The following PCLO variants were observed in gnomAD, a reference collection of about 807,000 sequenced individuals.
PCLO encodes piccolo presynaptic cytomatrix protein.
PCLO carries 82 observed loss-of-function variants against 427.5 expected under a neutral mutation model. The observed-to-expected ratio is 0.19, with a 90% CI of 0.16 to 0.23. PCLO has a LOEUF of 0.23. Among genes scored for constraint, PCLO ranks in the 10% least tolerant of loss-of-function variants. The pLI is 1.00. For missense variants in PCLO, 6,239 were observed against 6,115.9 expected (o/e 1.02, Z -0.67); for synonymous variants, 2,357 against 2,155.4 (o/e 1.09, Z -2.59).
chr7:82,759,110 T>C (rs6977914), intron 24 of PCLO, among the ~76,000 whole-genome samples: 63,333 of 151,678 alleles, frequency 0.42, 13,678 homozygotes, highest in East Asian at 0.58. Context: ...ATCTGTATTC[T>C]GAATAAATAA....
chr7:82,902,630 A>C, intron 9 of PCLO, 21 bp downstream of exon 9: 2 of 1,351,920 alleles, frequency 1.5e-6, no homozygotes, highest in Non-Finnish European at 2.1e-6. Context: ...AAAAAATATT[A>C]GATTATATGA....
intron 14 of PCLO, among the ~76,000 whole-genome samples, chr7:82,839,199 G>T (rs1286146520): frequency 1.3e-5 from 2 of 151,852 alleles, no homozygotes; most frequent in East Asian, 3.9e-4. Context: ...ATATTTCAAA[G>T]GGCAAATCCA....
intron 3 of PCLO, among the ~76,000 whole-genome samples, chr7:83,131,337 C>T (rs2116602549): frequency 6.6e-6 from 1 of 152,246 alleles, no homozygotes; most frequent in Non-Finnish European, 1.5e-5. Flanking sequence ...TGGCACTCCT[C>T]AGGTACAGTG....
chr7:82,984,013 T>C (rs1022871848), intron 3 of PCLO, among the ~76,000 whole-genome samples: 5 of 151,954 alleles, frequency 3.3e-5, no homozygotes, highest in African/African-American at 1.2e-4. Flanking sequence ...GACTTAACTA[T>C]ATTAAAAAAA....
chr7:82,942,108 G>C lies in PCLO; in HGVS notation c.11112+7368C>G, dbSNP rs147760164. 1.9e-3 allele frequency among the ~76,000 whole-genome samples: 283 copies of C among 152,304 alleles called. 2 individuals are homozygous for C. The highest frequency in any genetic ancestry group is 6.6e-3 in the African/African-American group (276 of 41,560). On this transcript the variant is annotated intron_variant, in intron 6 of 24. Coordinates refer to ENST00000333891, the MANE Select transcript of PCLO (RefSeq NM_033026.6). The stretch of plus-strand genomic sequence containing the variant: ...GCAAGAGAATCACTTGAACCTGGGA[G>C]GCAGAGGTTGCAATCAGCTGAGATC...
At chr7:82,822,301 A>G (rs1791812475) in intron 20 of PCLO, 194 bp downstream of exon 20, 1 of 1,425,656 alleles carries the variant, frequency 7.0e-7, no homozygotes, top group South Asian at 1.5e-5. Context: ...ATTTCAGTCT[A>G]TGTAAATAAA....
At chr7:82,814,885 C>A (rs1241421747) in intron 20 of PCLO, among the ~76,000 whole-genome samples, 1 of 151,900 alleles carries the variant, frequency 6.6e-6, no homozygotes, top group African/African-American at 2.4e-5. Flanking sequence ...CTGGTCAAGA[C>A]CCACAGTCAT....
At chr7:82,908,701 T>G (rs1706579601) in intron 8 of PCLO, among the ~76,000 whole-genome samples, 176 bp downstream of exon 8, 1 of 152,128 alleles carries the variant, frequency 6.6e-6, no homozygotes, top group African/African-American at 2.4e-5. Flanking sequence ...TGCTCCATTT[T>G]CAGTCAGTCA....
chr7:82,984,934 T>C (rs1796226239), intron 3 of PCLO, among the ~76,000 whole-genome samples: 1 of 152,004 alleles, frequency 6.6e-6, no homozygotes, highest in Admixed American at 6.6e-5. Context: ...GAGTACTGCA[T>C]AAAATCAAGA....
chr7:82,953,580 G>A lies in PCLO; in HGVS notation c.7373C>T (p.Ala2458Val), dbSNP rs1449914505. 1.2e-6 allele frequency: 2 copies of A among 1,612,598 alleles called. No homozygotes were observed. Among genetic ancestry groups the A allele is most frequent in the East Asian group, 2.2e-5 (1 of 44,814 alleles). The part of the protein sequence containing the change: ...PVTTATPLFD[A>V]VTTLETTAVL... ...AGCTGTGGTCTCTAGAGTAGTAACA[G>A]CATCAAACAGAGGTGTAGCTGTAGT... Residue 2458 changes from alanine to valine, a missense_variant, in exon 5 of 25, where the codon GCT becomes GTT. Transcript: ENST00000333891.
At chr7:82,967,096 C>T (rs1293269087) in intron 3 of PCLO, among the ~76,000 whole-genome samples, 1 of 152,010 alleles carries the variant, frequency 6.6e-6, no homozygotes, top group Non-Finnish European at 1.5e-5. Context: ...AATCACATTA[C>T]CTCATGCAGT....
intron 6 of PCLO, among the ~76,000 whole-genome samples, chr7:82,947,669 A>G (rs1015813842): frequency 2.6e-5 from 4 of 152,168 alleles, no homozygotes; most frequent in African/African-American, 7.2e-5. Context: ...ACCAACTGGA[A>G]AAAAGAACCA....
At chr7:82,824,138 C>T (rs1194477635) in intron 19 of PCLO, 98 bp downstream of exon 19, 18 of 776,484 alleles carry the variant, frequency 2.3e-5, no homozygotes, top group Non-Finnish European at 3.6e-5. Context: ...CGTGTCTAAT[C>T]TATTAATATA....
chr7:83,014,371 T>C (rs1788157133), intron 3 of PCLO, among the ~76,000 whole-genome samples: 1 of 152,132 alleles, frequency 6.6e-6, no homozygotes, highest in African/African-American at 2.4e-5. Context: ...ATATATGTAA[T>C]GAATAAAGCA....
At chr7:82,961,879 T>G (rs1795663404) in intron 4 of PCLO, among the ~76,000 whole-genome samples, 2 of 152,180 alleles carry the variant, frequency 1.3e-5, no homozygotes, top group South Asian at 2.1e-4. Context: ...AGCTTTCCTA[T>G]AATAGCTAAG....
rs765171340 is a variant in PCLO, at chr7:82,845,527, T to C, written c.13832-42A>G. The C allele has an allele frequency of 3.0e-6, 4 of 1,334,194 alleles. No individual in the cohort carries two copies. In the East Asian group the frequency reaches 7.2e-5, roughly 24 times the overall value. 82.6% of individuals were successfully genotyped at this position (1,334,194 alleles called of 1,614,324 possible). ...GAGATTTACATACTTCTCCATTTCA[T>C]AGGTACTTTATACCATGGAACTATG... On this transcript the variant is annotated intron_variant, in intron 12 of 24. Coordinates refer to ENST00000333891, the MANE Select transcript of PCLO (RefSeq NM_033026.6).
intron 10 of PCLO, among the ~76,000 whole-genome samples, chr7:82,871,919 T>C (rs2115993956): frequency 6.6e-6 from 1 of 151,908 alleles, no homozygotes; most frequent in African/African-American, 2.4e-5. Context: ...AAAAAAAAAC[T>C]AAAATATGAA....
rs1366632057 is a variant in PCLO, at chr7:82,916,193, C to T, written c.11793G>A (p.Val3931=). 4 of 1,613,562 alleles carry T rather than the reference C, an allele frequency of 2.5e-6. No homozygotes were observed. The highest frequency in any genetic ancestry group is 1.7e-5 in the Admixed American group (1 of 59,968). ...CTTGAGGTGTGAAGGACATTGTTGC[C>T]ACAGCTTGGAATGTTGGCTGAGTCT... ...PYQTQPTFQA[V]ATMSFTPQVQ... is the part of the protein sequence containing the mutation. The change falls in exon 7 of 25, where the codon GTG becomes GTA. Residue 3931 remains valine (V), a synonymous_variant. Coordinates refer to ENST00000333891, the MANE Select transcript of PCLO (RefSeq NM_033026.6).
Position 82,976,594 on chromosome 7 carries a change from C to T in PCLO, c.3301-10107G>A, listed in dbSNP as rs1156556802. Among the ~76,000 whole-genome samples the T allele has an allele frequency of 3.3e-5, 5 of 152,060 alleles. No homozygotes were observed. In the East Asian group the frequency reaches 7.7e-4, roughly 23 times the overall value. On this transcript the variant is annotated intron_variant, in intron 3 of 24. Coordinates refer to ENST00000333891, the MANE Select transcript of PCLO (RefSeq NM_033026.6). ...TGGTGTGTATGCAAAGTAATTCTAA[C>T]AAACTATTTTGGATATTAACTTGCA...
Sources: gnomAD v4.1 joint callset for allele counts (sites outside exome capture counted in the v4.1 genomes callset) on GRCh38, gnomAD v4.1.1 for gene constraint, MANE v1.5 for transcripts, NCBI Gene and HGNC (gene_info 2026-07-23, HGNC 2026-07-21) for gene names.